DENND2A: variants seen among roughly 807,000 people sequenced by gnomAD.
DENND2A encodes DENN domain-containing protein 2A.
In DENND2A, 53 loss-of-function variants were observed where a neutral mutation model predicts 105.3. That is an observed-to-expected ratio of 0.50 (90% CI 0.40 to 0.63). The LOEUF is 0.63. Among genes scored for constraint, DENND2A ranks in the 30% least tolerant of loss-of-function variants. DENND2A has a pLI of 0.00. For synonymous variants in DENND2A, 522 were observed against 508.4 expected (o/e 1.03, Z -0.36); for missense variants, 1,138 against 1,279.6 (o/e 0.89, Z 1.69).
intron 14 of DENND2A, among the ~76,000 whole-genome samples, chr7:140,536,170 T>C (rs900455215): frequency 5.3e-5 from 8 of 151,942 alleles, no homozygotes; most frequent in African/African-American, 1.7e-4. Context: ...CTGGCCAACA[T>C]AGTGAAACCC....
chr7:140,630,525 C>T (rs1404319245), intron 1 of DENND2A, among the ~76,000 whole-genome samples: 1 of 152,012 alleles, frequency 6.6e-6, no homozygotes, highest in Non-Finnish European at 1.5e-5. Context: ...ACAACCAAAA[C>T]AGTATGGCGT....
chr7:140,590,068 C>T (rs73500409), intron 3 of DENND2A, among the ~76,000 whole-genome samples: 6,885 of 152,226 alleles, frequency 0.045, 501 homozygotes, highest in African/African-American at 0.15. Context: ...CTCTCCAAAT[C>T]TCAGCGGATG....
At chr7:140,604,341 C>T (rs922529736) in intron 2 of DENND2A, among the ~76,000 whole-genome samples, 3 of 152,220 alleles carry the variant, frequency 2.0e-5, no homozygotes, top group South Asian at 2.1e-4. Context: ...CTTGCGAAAA[C>T]GCAAACACAT....
rs58426584 is a variant in DENND2A at position 140,518,447 on chromosome 7, TAAAA to T, written c.*256_*259del. On this transcript the variant is annotated 3_prime_UTR_variant, in exon 20 of 20. Transcript: ENST00000496613. The stretch of plus-strand genomic sequence containing the variant: ...TTTTTCTTACTTTTAATATCTAAGA[TAAAA>T]AAAAAAACCCAACCACCAAAACAAC... The T allele has an allele frequency of 2.7e-6, 1 of 365,072 alleles. No individual in the cohort carries two copies. Among genetic ancestry groups the T allele is most frequent in the Non-Finnish European group, 4.9e-6 (1 of 203,984 alleles). 22.6% of individuals were successfully genotyped at this position (365,072 alleles called of 1,614,324 possible).
chr7:140,591,377 T>C lies in DENND2A; in HGVS notation c.996-3597A>G, dbSNP rs138306159. 4.6e-3 allele frequency among the ~76,000 whole-genome samples: 694 copies of C among 152,332 alleles called. 6 individuals are homozygous for C. Among genetic ancestry groups the C allele is most frequent in the African/African-American group, 0.016 (657 of 41,572 alleles). On this transcript the variant is annotated intron_variant, in intron 3 of 19. Transcript: ENST00000496613. ...GCAAAACGATTCATCAAAAGGTTTC[T>C]CAAATAGCAGCTCTATTTCCTGTAT... is the stretch of plus-strand genomic sequence containing the variant.
chr7:140,532,442 C>T (rs1436037841), intron 14 of DENND2A, among the ~76,000 whole-genome samples: 2 of 152,038 alleles, frequency 1.3e-5, no homozygotes, highest in Non-Finnish European at 2.9e-5. Context: ...GACTTTAGTC[C>T]GTTAAAGGAG....
chr7:140,533,719 G>A (rs1043614780), intron 14 of DENND2A, among the ~76,000 whole-genome samples: 3 of 152,152 alleles, frequency 2.0e-5, no homozygotes, highest in African/African-American at 7.2e-5. Flanking sequence ...GGAGCTGCCC[G>A]TTTGTTGACT....
At chr7:140,572,429 TA>T (rs1368304057) in intron 6 of DENND2A, among the ~76,000 whole-genome samples, 1 of 151,838 alleles carries the variant, frequency 6.6e-6, no homozygotes, top group East Asian at 1.9e-4. Flanking sequence ...CATGACCCCC[TA>T]AAGCCCATCC....
intron 11 of DENND2A, among the ~76,000 whole-genome samples, chr7:140,557,509 G>GTGTATATATATATATA (rs1554467279): frequency 7.2e-4 from 12 of 16,780 alleles, no homozygotes; most frequent in Middle Eastern, 0.045. Context: ...TTATTTTTTA[G>GTGTATATATATATATA]TATATATATA....
rs1181516336 is a variant in DENND2A, at chr7:140,527,390, G to C, written c.2433C>G (p.Cys811Trp). The change falls in exon 15 of 20, where the codon TGC (cysteine) becomes TGG (tryptophan). Residue 811 changes from cysteine to tryptophan, a missense_variant. Cys to Trp is a radical substitution (Grantham distance 215). Transcript: ENST00000496613. This position sits in a 1 kb window ranked among gnomAD's most constrained non-coding sequence, Gnocchi z 4.9. ...GCCCGATGAGGAAGGGCGTCGGCGAGCACACGATGTCGACCATGGCGGGTG... is the reference window on the plus strand; with the variant it reads ...GCCCGATGAGGAAGGGCGTCGGCGACCACACGATGTCGACCATGGCGGGTG... ...VLPPAMVDIV[C>W]SPTPFLIGLL... The C allele has an allele frequency of 1.2e-6, 2 of 1,608,994 alleles. No individual in the cohort carries two copies. The highest frequency in any genetic ancestry group is 1.7e-6 in the Non-Finnish European group (2 of 1,178,758).
chr7:140,588,198 G>A (rs796882717), intron 3 of DENND2A, among the ~76,000 whole-genome samples: 7 of 151,928 alleles, frequency 4.6e-5, no homozygotes, highest in East Asian at 3.9e-4. Flanking sequence ...CACTGTGCCC[G>A]GCCTGAAATC....
intron 9 of DENND2A, among the ~76,000 whole-genome samples, chr7:140,560,572 A>G (rs1350647647): frequency 6.6e-6 from 1 of 151,968 alleles, no homozygotes. Flanking sequence ...TAGGAGGATC[A>G]CTTGAGGCCA....
chr7:140,572,751 CAAAAAAAA>C (rs59174097), intron 6 of DENND2A, among the ~76,000 whole-genome samples: 1 of 58,888 alleles, frequency 1.7e-5, no homozygotes, highest in African/African-American at 5.8e-5. Context: ...GAAACTCTGT[CAAAAAAAA>C]AAAAAAAAAA....
At chr7:140,636,689 T>C (rs1800949970) in intron 1 of DENND2A, among the ~76,000 whole-genome samples, 1 of 146,656 alleles carries the variant, frequency 6.8e-6, no homozygotes, top group Admixed American at 6.8e-5. Context: ...CCAGCCTTTT[T>C]TTTTTTTTTT....
chr7:140,568,895 C>A, intron 7 of DENND2A, 82 bp from the exon 8 acceptor site: 2 of 1,367,350 alleles, frequency 1.5e-6, no homozygotes, highest in South Asian at 1.2e-5. Context: ...TAGCACAGAT[C>A]AAATGTTCTA....
At chr7:140,633,140 T>C (rs1200123373) in intron 1 of DENND2A, among the ~76,000 whole-genome samples, 2 of 151,940 alleles carry the variant, frequency 1.3e-5, no homozygotes, top group African/African-American at 2.4e-5. Context: ...ACCATTCTCC[T>C]GTCTCAGCCT....
chr7:140,638,096 T>C (rs1801023228), intron 1 of DENND2A, among the ~76,000 whole-genome samples: 1 of 152,202 alleles, frequency 6.6e-6, no homozygotes, highest in African/African-American at 2.4e-5. Context: ...TATGTCACTC[T>C]TCAGTCTTTA....
chr7:140,538,617 C>T (rs1211024141), intron 14 of DENND2A, among the ~76,000 whole-genome samples: 3 of 152,044 alleles, frequency 2.0e-5, no homozygotes, highest in Non-Finnish European at 4.4e-5. Context: ...AGTGATTCTC[C>T]TGCCTCAGCC....
chr7:140,631,561 T>A (rs1585794821), intron 1 of DENND2A, among the ~76,000 whole-genome samples: 1 of 152,126 alleles, frequency 6.6e-6, no homozygotes, highest in Non-Finnish European at 1.5e-5. Context: ...TTCTCTGACA[T>A]TTTTCCACCC....
Sources: gnomAD v4.1 joint callset for allele counts (sites outside exome capture counted in the v4.1 genomes callset) on GRCh38, gnomAD v4.1.1 for gene constraint, Gnocchi (gnomAD v3.1) non-coding constraint, MANE v1.5 for transcripts, NCBI Gene and HGNC (gene_info 2026-07-23, HGNC 2026-07-21) for gene names.